The following CPS1 variants were observed in gnomAD, a reference collection of about 807,000 sequenced individuals.
CPS1 encodes carbamoyl-phosphate synthase 1, also known as carbamoyl-phosphate synthase [ammonia], mitochondrial.
A neutral mutation model predicts 174.6 loss-of-function variants in CPS1; 109 were observed. That is an observed-to-expected ratio of 0.62 (90% CI 0.53 to 0.73). The LOEUF (loss-of-function observed/expected upper bound fraction) is 0.73. Among genes scored for constraint, CPS1 ranks in the 30% least tolerant of loss-of-function variants. The probability of loss-of-function intolerance (pLI) is 0.00; values close to 1 mark genes in which losing one functional copy is unlikely to be tolerated. For missense variants in CPS1, 1,689 were observed against 1,821.9 expected (o/e 0.93, Z 1.33); for synonymous variants, 637 against 632.0 (o/e 1.01, Z -0.12).
intron 1 of CPS1, among the ~76,000 whole-genome samples, chr2:210,559,306 T>C (rs1697023304): frequency 1.3e-5 from 2 of 152,032 alleles, no homozygotes; most frequent in African/African-American, 4.8e-5. Context: ...CTATAATCAT[T>C]GCCCTGTAAA....
intron 33 of CPS1, among the ~76,000 whole-genome samples, chr2:210,663,580 G>A (rs1700992353): frequency 6.6e-6 from 1 of 152,108 alleles, no homozygotes; most frequent in African/African-American, 2.4e-5. Context: ...ATTTTTACTA[G>A]TAATATGGAG....
chr2:210,564,524 T>C lies in CPS1; in HGVS notation c.126+7665T>C, dbSNP rs570092935. 1.1e-3 allele frequency among the ~76,000 whole-genome samples: 169 copies of C among 152,172 alleles called. No homozygotes were observed. In the South Asian group the frequency reaches 0.012, roughly 11 times the overall value. On this transcript the variant is annotated intron_variant, in intron 1 of 37. Transcript: ENST00000233072. ...CCGAGTAGCTGGGACTACAGGTGCCTGCCACCACGCCTGGCTAATTTTTTT... is the reference window on the plus strand; with the variant it reads ...CCGAGTAGCTGGGACTACAGGTGCCCGCCACCACGCCTGGCTAATTTTTTT...
Position 210,637,772 on chromosome 2 carries a change from T to C in CPS1, c.2758T>C (p.Cys920Arg), listed in dbSNP as rs1460809568. Residue 920 changes from cysteine (C) to arginine (R), a missense_variant, in exon 22 of 38, where the codon TGC becomes CGC. Transcript: ENST00000233072. ...GTTCTCAGATAAGCAGATTTCAAAA[T>C]GCCTTGGGCTCACTGAGGCCCAGAC... ...IGFSDKQISK[C>R]LGLTEAQTRE... The C allele has an allele frequency of 1.9e-6, 3 of 1,613,886 alleles. No homozygotes were observed. Among genetic ancestry groups the C allele is most frequent in the Non-Finnish European group, 1.7e-6 (2 of 1,179,938 alleles).
At chr2:210,640,557 CAT>C (rs1169057538) in intron 24 of CPS1, among the ~76,000 whole-genome samples, 1 of 152,140 alleles carries the variant, frequency 6.6e-6, no homozygotes, top group Non-Finnish European at 1.5e-5. Context: ...TGAATTAAAA[CAT>C]AATCACCAGA....
intron 1 of CPS1, among the ~76,000 whole-genome samples, chr2:210,515,799 AT>A (rs1397005574): frequency 6.6e-6 from 1 of 151,716 alleles, no homozygotes; most frequent in Non-Finnish European, 1.5e-5. Context: ...TAGATCGTTA[AT>A]TTGAGATCTT....
chr2:210,623,137 A>T (rs1699584978), intron 21 of CPS1, among the ~76,000 whole-genome samples: 1 of 152,042 alleles, frequency 6.6e-6, no homozygotes. Flanking sequence ...CATTCCATTC[A>T]TTTTGGGCAA....
chr2:210,496,832 A>G (rs1340425878), intron 1 of CPS1, among the ~76,000 whole-genome samples: 1 of 152,064 alleles, frequency 6.6e-6, no homozygotes, highest in Non-Finnish European at 1.5e-5. Context: ...CTTCCTGGTC[A>G]CCCTATTTAA....
chr2:210,629,400 C>T (rs1320273284), intron 21 of CPS1, among the ~76,000 whole-genome samples: 3 of 151,912 alleles, frequency 2.0e-5, no homozygotes, highest in Non-Finnish European at 4.4e-5. Context: ...CTGCAAGGTC[C>T]GCCTCCCGGG....
At chr2:210,494,145 AT>A (rs2105954595) in intron 1 of CPS1, among the ~76,000 whole-genome samples, 1 of 152,364 alleles carries the variant, frequency 6.6e-6, no homozygotes, top group South Asian at 2.1e-4. Flanking sequence ...GCATTAGAAC[AT>A]TTAAAGAAAA....
chr2:210,592,052 T>C (rs1369991260), intron 10 of CPS1, 83 bp downstream of exon 10: 3 of 1,432,718 alleles, frequency 2.1e-6, no homozygotes, highest in African/African-American at 1.4e-5. Flanking sequence ...GCATTGTATA[T>C]ATTTATGAGA....
chr2:210,650,692 C>T (rs1356221006), intron 28 of CPS1, among the ~76,000 whole-genome samples: 1 of 152,048 alleles, frequency 6.6e-6, no homozygotes, highest in Non-Finnish European at 1.5e-5. Context: ...AATACCTGTG[C>T]ATATTTTATC....
At chr2:210,649,079 C>A (rs905593449) in intron 27 of CPS1, among the ~76,000 whole-genome samples, 1 of 152,164 alleles carries the variant, frequency 6.6e-6, no homozygotes, top group African/African-American at 2.4e-5. Flanking sequence ...CACTTACTTT[C>A]TTCAGATGTT....
intron 1 of CPS1, among the ~76,000 whole-genome samples, chr2:210,558,842 G>A (rs183401982): frequency 2.0e-5 from 3 of 152,124 alleles, no homozygotes; most frequent in East Asian, 1.9e-4. Context: ...TGTTTCAAGG[G>A]TCTGTCACAG....
chr2:210,548,024 T>C (rs952086380), intron 1 of CPS1, among the ~76,000 whole-genome samples: 8 of 152,074 alleles, frequency 5.3e-5, no homozygotes, highest in African/African-American at 1.9e-4. Context: ...AACAGACATT[T>C]ATGGACAAGT....
Position 210,677,959 on chromosome 2 carries a change from C to T in CPS1, c.4477C>T (p.Gln1493Ter). The change falls in exon 38 of 38, where the codon CAG becomes TAG. Residue 1493 changes from glutamine (Q) to a stop codon, truncating the protein, a stop_gained. Coordinates refer to ENST00000233072, the MANE Select transcript of CPS1 (RefSeq NM_001875.5). LOFTEE classifies it high-confidence loss of function. ...VDSKSLFHYR[Q>*]YSAGKAA Reference sequence around the variant, plus strand: ...CTCCAAGAGTCTTTTCCACTACAGGCAGTACAGTGCTGGAAAAGCAGCATA... The same window carrying T: ...CTCCAAGAGTCTTTTCCACTACAGGTAGTACAGTGCTGGAAAAGCAGCATA... The T allele has an allele frequency of 6.2e-7, 1 of 1,613,808 alleles. No individual in the cohort carries two copies. Among genetic ancestry groups the T allele is most frequent in the South Asian group, 1.1e-5 (1 of 91,080 alleles).
chr2:210,598,450 C>A (rs1004985386), intron 13 of CPS1, among the ~76,000 whole-genome samples: 1 of 151,764 alleles, frequency 6.6e-6, no homozygotes, highest in Non-Finnish European at 1.5e-5. Flanking sequence ...CAATGGTATG[C>A]TGTCTTCAAG....
At chr2:210,580,797 G>T (rs1374658710) in intron 5 of CPS1, among the ~76,000 whole-genome samples, 1 of 150,542 alleles carries the variant, frequency 6.6e-6, no homozygotes, top group Admixed American at 6.6e-5. Flanking sequence ...GGAGGCGGAG[G>T]TTGCAGTGAG....
chr2:210,628,509 A>T (rs1699759827), intron 21 of CPS1, among the ~76,000 whole-genome samples: 1 of 152,206 alleles, frequency 6.6e-6, no homozygotes, highest in Non-Finnish European at 1.5e-5. Context: ...ACATTTTTCT[A>T]GGAAAAAAAT....
chr2:210,625,704 A>G (rs1037993482), intron 21 of CPS1, among the ~76,000 whole-genome samples: 1 of 152,082 alleles, frequency 6.6e-6, no homozygotes, highest in Non-Finnish European at 1.5e-5. Flanking sequence ...CATGGTTTAG[A>G]GAGAGAAGAG....
Sources: gnomAD v4.1 joint callset for allele counts (sites outside exome capture counted in the v4.1 genomes callset) on GRCh38, gnomAD v4.1.1 for gene constraint, MANE v1.5 for transcripts, NCBI Gene and HGNC (gene_info 2026-07-23, HGNC 2026-07-21) for gene names.